SCN2A: variants seen among roughly 807,000 people sequenced by gnomAD.
The protein encoded by SCN2A is sodium channel protein type 2 subunit alpha.
In SCN2A, 20 loss-of-function variants were observed where a neutral mutation model predicts 188.7. The ratio of observed to expected loss-of-function variants is 0.11; its 90% CI spans 0.07 to 0.15. SCN2A has a LOEUF of 0.15. Ranked by LOEUF, SCN2A falls within the 10% of genes least tolerant of loss-of-function variation. The pLI is 1.00. For synonymous variants in SCN2A, 804 were observed against 833.1 expected (o/e 0.97, Z 0.60); for missense variants, 1,278 against 2,445.0 (o/e 0.52, Z 10.07).
intron 1 of SCN2A, among the ~76,000 whole-genome samples, chr2:165,242,280 A>C (rs2106051084): frequency 6.6e-6 from 1 of 152,278 alleles, no homozygotes; most frequent in South Asian, 2.1e-4. Context: ...AGTGAAGATG[A>C]CTGGGGGCAT....
chr2:165,291,035 C>CTTTTTTTTTTTTTTTTTTTTTTT, intron 1 of SCN2A, among the ~76,000 whole-genome samples: 1 of 79,970 alleles, frequency 1.3e-5, no homozygotes, highest in Non-Finnish European at 2.3e-5. Flanking sequence ...TCTTTTCTTT[C>CTTTTTTTTTTTTTTTTTTTTTTT]TTTTTTTTTT....
intron 3 of SCN2A, among the ~76,000 whole-genome samples, chr2:165,300,389 A>G (rs561156471): frequency 6.6e-5 from 10 of 152,252 alleles, no homozygotes; most frequent in Admixed American, 6.5e-4. Context: ...TGTGTTTGGA[A>G]GAAGAAAGAC....
At chr2:165,264,158 G>A (rs1694734787) in intron 1 of SCN2A, among the ~76,000 whole-genome samples, 2 of 152,110 alleles carry the variant, frequency 1.3e-5, no homozygotes, top group South Asian at 2.1e-4. Context: ...TGATTCATCT[G>A]GCTAAAACTT....
At chr2:165,245,299 T>C (rs979252614) in intron 1 of SCN2A, 9 of 152,134 alleles carry the variant, frequency 5.9e-5, no homozygotes, top group African/African-American at 2.2e-4. Flanking sequence ...TGATAGTGAG[T>C]GAGTTCTCAC....
intron 3 of SCN2A, among the ~76,000 whole-genome samples, chr2:165,301,127 AG>A (rs2105224925): frequency 6.6e-6 from 1 of 152,238 alleles, no homozygotes; most frequent in East Asian, 1.9e-4. Context: ...AGAAAAATGG[AG>A]TTGTGTTGAC....
At chr2:165,314,332 A>G (rs1218546036) in intron 10 of SCN2A, among the ~76,000 whole-genome samples, 1 of 152,114 alleles carries the variant, frequency 6.6e-6, no homozygotes, top group African/African-American at 2.4e-5. Context: ...TAATTGCTTT[A>G]CTGACATTTT....
intron 11 of SCN2A, among the ~76,000 whole-genome samples, chr2:165,317,292 T>A (rs532968922): frequency 6.8e-6 from 1 of 146,364 alleles, no homozygotes; most frequent in African/African-American, 2.5e-5. Context: ...TAAATAGGAA[T>A]CCTTTAAAAG....
chr2:165,375,731 A>G (rs941965091), intron 22 of SCN2A, among the ~76,000 whole-genome samples: 1 of 152,004 alleles, frequency 6.6e-6, no homozygotes, highest in Non-Finnish European at 1.5e-5. Flanking sequence ...AATATTAAAA[A>G]GATTTTCAAA....
At chr2:165,381,243 A>C in intron 25 of SCN2A, 46 bp downstream of exon 25, 1 of 1,327,780 alleles carries the variant, frequency 7.5e-7, no homozygotes, top group Non-Finnish European at 1.1e-6. Flanking sequence ...ATATTACCTA[A>C]CCGTTTCACA....
chr2:165,360,695 A>G (rs1253116131), intron 17 of SCN2A, among the ~76,000 whole-genome samples: 1 of 151,934 alleles, frequency 6.6e-6, no homozygotes, highest in Non-Finnish European at 1.5e-5. Flanking sequence ...GGGCTATGCT[A>G]CAAACATCAG....
At chr2:165,259,080 A>G (rs949750259) in intron 1 of SCN2A, among the ~76,000 whole-genome samples, 2 of 152,228 alleles carry the variant, frequency 1.3e-5, no homozygotes, top group Non-Finnish European at 2.9e-5. Flanking sequence ...TGAACCTAAA[A>G]TAAAATTTAA....
At chr2:165,248,997 A>G (rs1219627230) in intron 1 of SCN2A, among the ~76,000 whole-genome samples, 2 of 152,146 alleles carry the variant, frequency 1.3e-5, no homozygotes, top group African/African-American at 4.8e-5. Flanking sequence ...TAGTGTTATA[A>G]AATCAAACCT....
At chr2:165,280,000 C>T (rs1175679782) in intron 1 of SCN2A, among the ~76,000 whole-genome samples, 2 of 152,126 alleles carry the variant, frequency 1.3e-5, no homozygotes, top group Non-Finnish European at 2.9e-5. Context: ...GTGACTTGCT[C>T]CTTCTTGCCT....
chr2:165,307,821 A>G, intron 3 of SCN2A, 27 bp from the exon 4 acceptor site: 1 of 1,506,240 alleles, frequency 6.6e-7, no homozygotes, highest in Non-Finnish European at 9.2e-7. Context: ...TTTCCATTGA[A>G]CTTTGTCTTC....
At chr2:165,276,350 C>G (rs953299572) in intron 1 of SCN2A, among the ~76,000 whole-genome samples, 1 of 151,966 alleles carries the variant, frequency 6.6e-6, no homozygotes, top group African/African-American at 2.4e-5. Context: ...GTTATTGGGC[C>G]ATAGTACTTT....
At chr2:165,271,144 T>C (rs1197768111) in intron 1 of SCN2A, 1 of 152,156 alleles carries the variant, frequency 6.6e-6, no homozygotes, top group Non-Finnish European at 1.5e-5. Context: ...TTTTGTATGT[T>C]GTTCTCTTAT....
intron 1 of SCN2A, among the ~76,000 whole-genome samples, chr2:165,241,809 TG>T (rs142957162): frequency 0.012 from 1,781 of 152,260 alleles, 28 homozygotes; most frequent in African/African-American, 0.04. Flanking sequence ...TTTCTGTCCA[TG>T]GGGGGCTCAG....
At chr2:165,310,183 A>G in intron 6 of SCN2A, 140 bp from the exon 7 acceptor site, 2 of 929,130 alleles carry the variant, frequency 2.2e-6, no homozygotes, top group Non-Finnish European at 3.5e-6. Flanking sequence ...TGAAAATGTT[A>G]TTCAATCACA....
chr2:165,328,678 AC>A, intron 13 of SCN2A: 1 of 180,584 alleles, frequency 5.5e-6, no homozygotes, highest in Non-Finnish European at 1.1e-5. Context: ...AAATAAATGC[AC>A]CCACACCTTT....
Sources: gnomAD v4.1 joint callset for allele counts (sites outside exome capture counted in the v4.1 genomes callset) on GRCh38, gnomAD v4.1.1 for gene constraint, MANE v1.5 for transcripts, NCBI Gene and HGNC (gene_info 2026-07-23, HGNC 2026-07-21) for gene names.